The following LDLRAD3 variants were observed in gnomAD, a reference collection of about 807,000 sequenced individuals.
LDLRAD3 encodes the protein low density lipoprotein receptor class A domain containing 3.
A neutral mutation model predicts 29.4 loss-of-function variants in LDLRAD3; 20 were observed. The ratio of observed to expected loss-of-function variants is 0.68; its 90% confidence interval spans 0.48 to 0.99. The LOEUF (loss-of-function observed/expected upper bound fraction) is 0.99. LDLRAD3 is among the 50% of genes least tolerant of loss of function. The pLI is 0.00. For missense variants in LDLRAD3, 420 were observed against 454.3 expected (o/e 0.92, Z 0.69); for synonymous variants, 157 against 192.7 (o/e 0.81, Z 1.53).
chr11:36,095,478 T>C (rs1853346838), intron 3 of LDLRAD3, among the ~76,000 whole-genome samples: 1 of 152,226 alleles, frequency 6.6e-6, no homozygotes, highest in African/African-American at 2.4e-5. Flanking sequence ...GATTACATCC[T>C]TGGCCCTTTT....
intron 2 of LDLRAD3, among the ~76,000 whole-genome samples, chr11:36,077,939 A>C (rs1853042923): frequency 6.6e-6 from 1 of 152,208 alleles, no homozygotes; most frequent in East Asian, 1.9e-4. Flanking sequence ...TGAGGTACGC[A>C]GACAAGTGGA....
At chr11:36,016,950 A>T (rs1306335757) in intron 1 of LDLRAD3, among the ~76,000 whole-genome samples, 1 of 152,330 alleles carries the variant, frequency 6.6e-6, no homozygotes, top group South Asian at 2.1e-4. Flanking sequence ...AGACATAATT[A>T]AAAGATAAAA....
chr11:36,191,574 C>CTATATA (rs1242651513), intron 4 of LDLRAD3, among the ~76,000 whole-genome samples: 95 of 67,774 alleles, frequency 1.4e-3, no homozygotes, highest in African/African-American at 1.4e-3. Context: ...CTCTCTCTCT[C>CTATATA]TCTATATATA....
At chr11:35,974,008 C>G (rs1851447494) in intron 1 of LDLRAD3, among the ~76,000 whole-genome samples, 1 of 152,052 alleles carries the variant, frequency 6.6e-6, no homozygotes, top group African/African-American at 2.4e-5. Flanking sequence ...TGTTTATAGC[C>G]TTTGCTTTTT....
chr11:36,078,514 A>AAAATAGTTCC (rs1451505764), intron 2 of LDLRAD3, among the ~76,000 whole-genome samples: 3 of 152,150 alleles, frequency 2.0e-5, no homozygotes, highest in Non-Finnish European at 2.9e-5. Flanking sequence ...CTCATCCTCA[A>AAAATAGTTCC]CTTTGCTCCA....
At chr11:35,977,119 G>A (rs1238076458) in intron 1 of LDLRAD3, among the ~76,000 whole-genome samples, 1 of 152,128 alleles carries the variant, frequency 6.6e-6, no homozygotes, top group Non-Finnish European at 1.5e-5. Context: ...AATTCAGGGT[G>A]GCATGGTGCT....
chr11:36,206,898 C>T (rs1165823101), intron 4 of LDLRAD3, among the ~76,000 whole-genome samples: 1 of 151,766 alleles, frequency 6.6e-6, no homozygotes, highest in Non-Finnish European at 1.5e-5. Flanking sequence ...CGGGTAATTT[C>T]TGTATTTTTA....
chr11:36,083,335 C>T (rs1853144567), intron 3 of LDLRAD3, among the ~76,000 whole-genome samples: 2 of 152,112 alleles, frequency 1.3e-5, no homozygotes. Flanking sequence ...TTTGTACCCC[C>T]ACCACATATT....
intron 1 of LDLRAD3, among the ~76,000 whole-genome samples, chr11:35,971,325 G>A (rs72936939): frequency 0.041 from 6,247 of 152,282 alleles, 194 homozygotes; most frequent in Middle Eastern, 0.085. Flanking sequence ...GTGGTGGGCT[G>A]ATTTGCATCC....
At chr11:35,994,869 C>T (rs1168483299) in intron 1 of LDLRAD3, among the ~76,000 whole-genome samples, 1 of 152,222 alleles carries the variant, frequency 6.6e-6, no homozygotes, top group Non-Finnish European at 1.5e-5. Context: ...GAAGCAGCTC[C>T]TCATCCATTA....
intron 1 of LDLRAD3, chr11:35,997,439 C>G: frequency 2.5e-6 from 1 of 396,428 alleles, no homozygotes; most frequent in South Asian, 2.1e-5. Context: ...TTTGCAGAAA[C>G]CCTTCTGGCA....
chr11:36,107,638 T>C (rs1442389659), intron 4 of LDLRAD3, among the ~76,000 whole-genome samples: 1 of 152,216 alleles, frequency 6.6e-6, no homozygotes, highest in African/African-American at 2.4e-5. Flanking sequence ...TACTTGCCAT[T>C]GTGTTACAGT....
chr11:36,106,756 C>T (rs1364648901), intron 4 of LDLRAD3, among the ~76,000 whole-genome samples: 2 of 152,376 alleles, frequency 1.3e-5, no homozygotes, highest in Admixed American at 1.3e-4. Context: ...AAACCCACCA[C>T]CACCATATGG....
At position 36,227,365 on chromosome 11, in the gene LDLRAD3, G is replaced by C; in HGVS notation, c.735G>C (p.Gln245His). ...VNNGIQYVAS[Q>H]AEQNASEVGS... is the part of the protein sequence containing the mutation. ...ATGGCATCCAGTATGTGGCCAGCCA[G>C]GCGGAGCAGAATGCGTCGGAAGTAG... The change falls in exon 5 of 6, where the codon CAG becomes CAC. Residue 245 changes from glutamine (Q) to histidine (H), a missense_variant. Physicochemically the swap from Gln to His is conservative, Grantham distance 24. Transcript: ENST00000315571. 6.2e-7 allele frequency: 1 copy of C among 1,613,876 alleles called. No individual in the cohort carries two copies. Among genetic ancestry groups the C allele is most frequent in the Non-Finnish European group, 8.5e-7 (1 of 1,179,900 alleles).
chr11:35,997,404 C>T (rs542909614), intron 1 of LDLRAD3: 6 of 426,264 alleles, frequency 1.4e-5, no homozygotes, highest in African/African-American at 1.0e-4. Context: ...TGTTTCTTTC[C>T]ATCTCTTTGT....
chr11:36,229,304 A>G lies in LDLRAD3; in HGVS notation c.945A>G (p.Glu315=), dbSNP rs1855543257. The part of the protein sequence containing the change: ...SQAASSLLSV[E]DTSHSPGQPG... ...CAGCCAGCAGCCTCCTGAGCGTGGA[A>G]GACACCAGCCACAGCCCGGGGCAGC... Residue 315 remains glutamate (E), a synonymous_variant, in exon 6 of 6, where the codon GAA becomes GAG. Transcript: ENST00000315571. 1 of 1,613,914 alleles carries G rather than the reference A, an allele frequency of 6.2e-7. No individual in the cohort carries two copies. Among genetic ancestry groups the G allele is most frequent in the Non-Finnish European group, 8.5e-7 (1 of 1,180,038 alleles).
At chr11:36,203,623 C>T (rs1366695436) in intron 4 of LDLRAD3, among the ~76,000 whole-genome samples, 1 of 152,120 alleles carries the variant, frequency 6.6e-6, no homozygotes, top group Admixed American at 6.6e-5. Context: ...TTTCCCCAGG[C>T]GGCACATGAG....
chr11:36,173,882 C>G (rs1047232298), intron 4 of LDLRAD3, among the ~76,000 whole-genome samples: 5 of 151,998 alleles, frequency 3.3e-5, no homozygotes, highest in African/African-American at 1.2e-4. Flanking sequence ...TCATATGGAA[C>G]TAAAAAAGAA....
Position 35,979,001 on chromosome 11 carries a change from G to A in LDLRAD3, c.46+34857G>A, listed in dbSNP as rs116804709. 5.0e-3 allele frequency among the ~76,000 whole-genome samples: 756 copies of A among 152,244 alleles called. 4 individuals are homozygous for A. Among genetic ancestry groups the A allele is most frequent in the African/African-American group, 0.017 (722 of 41,552 alleles). On this transcript the variant is annotated intron_variant, in intron 1 of 5. Transcript: ENST00000315571. The stretch of plus-strand genomic sequence containing the variant: ...AAAGGATTCTTTAATAAGGCTGTTC[G>A]TTCTCAGCCATTTGCTTTCATATTT...
Sources: gnomAD v4.1 joint callset for allele counts (sites outside exome capture counted in the v4.1 genomes callset) on GRCh38, gnomAD v4.1.1 for gene constraint, MANE v1.5 for transcripts, NCBI Gene and HGNC (gene_info 2026-07-23, HGNC 2026-07-21) for gene names.